LINGO2: variants seen among roughly 807,000 people sequenced by gnomAD.
The protein encoded by LINGO2 is leucine rich repeat and Ig domain containing 2, also known as leucine-rich repeat and immunoglobulin-like domain-containing nogo receptor-interacting protein 2.
In LINGO2, 14 loss-of-function variants were observed where a neutral mutation model predicts 30.6. The ratio of observed to expected loss-of-function variants is 0.46; its 90% CI spans 0.30 to 0.72. The LOEUF (loss-of-function observed/expected upper bound fraction) is 0.72, where lower values mean the gene tolerates loss of function less well. LINGO2 is among the 30% of genes least tolerant of loss of function. LINGO2 has a pLI of 0.07. For missense variants in LINGO2, 729 were observed against 751.7 expected (o/e 0.97, Z 0.35); for synonymous variants, 317 against 288.5 (o/e 1.10, Z -1.00).
the LINGO2 span, chr9:27,941,086 T>C: frequency 6.6e-6 from 1 of 152,198 alleles, no homozygotes; most frequent in Non-Finnish European, 1.5e-5. Flanking sequence ...AGCTCTGGCA[T>C]TAACAGAACA....
intron 1 of LINGO2, among the ~76,000 whole-genome samples, chr9:28,632,856 T>TTATATATATATATATATATATATA (rs543651831): frequency 4.3e-5 from 4 of 93,678 alleles, no homozygotes; most frequent in Admixed American, 1.4e-4. Flanking sequence ...TATATATTTT[T>TTATATATATATATATATATATATA]TATATATATA....
chr9:28,289,958 C>A (rs146412788), intron 4 of LINGO2, among the ~76,000 whole-genome samples: 75 of 152,264 alleles, frequency 4.9e-4, no homozygotes, highest in Non-Finnish European at 9.6e-4. Flanking sequence ...CTCACTGATG[C>A]CTGAAATTCC....
chr9:28,414,798 C>T (rs553203181), intron 2 of LINGO2, among the ~76,000 whole-genome samples: 1 of 151,986 alleles, frequency 6.6e-6, no homozygotes, highest in East Asian at 1.9e-4. Context: ...ATTTGTTTTA[C>T]AGAAAGTGAT....
chr9:29,071,223 T>A, the LINGO2 span, among the ~76,000 whole-genome samples: 1 of 147,884 alleles, frequency 6.8e-6, no homozygotes, highest in South Asian at 2.1e-4. Flanking sequence ...CAGGGTTTCA[T>A]ACTGTCACTA....
chr9:28,602,297 G>A (rs1370309760), intron 1 of LINGO2, among the ~76,000 whole-genome samples: 2 of 151,770 alleles, frequency 1.3e-5, no homozygotes, highest in Non-Finnish European at 2.9e-5. Context: ...GCAGGAGTCT[G>A]GCAAATAGAA....
At chr9:28,444,737 T>C (rs1028755549) in intron 2 of LINGO2, among the ~76,000 whole-genome samples, 4 of 152,202 alleles carry the variant, frequency 2.6e-5, no homozygotes, top group Non-Finnish European at 5.9e-5. Flanking sequence ...CCAGCACCTG[T>C]GCCGGTGCCT....
At chr9:28,022,738 CATT>C (rs1374971589) in intron 4 of LINGO2, among the ~76,000 whole-genome samples, 1 of 151,788 alleles carries the variant, frequency 6.6e-6, no homozygotes, top group African/African-American at 2.4e-5. Flanking sequence ...TAGTATCTGT[CATT>C]AATTTTGGGA....
chr9:29,069,261 A>C, the LINGO2 span, among the ~76,000 whole-genome samples: 1 of 152,012 alleles, frequency 6.6e-6, no homozygotes, highest in Non-Finnish European at 1.5e-5. Context: ...GACTTGAAAT[A>C]AATACTGTCA....
chr9:28,047,152 G>C (rs895655777), intron 4 of LINGO2, among the ~76,000 whole-genome samples: 5 of 152,136 alleles, frequency 3.3e-5, no homozygotes, highest in African/African-American at 9.7e-5. Context: ...AGGCTAGACA[G>C]GTAGGTATTG....
chr9:28,097,379 T>C (rs1274693874), intron 4 of LINGO2, among the ~76,000 whole-genome samples: 4 of 149,614 alleles, frequency 2.7e-5, no homozygotes, highest in Admixed American at 1.3e-4. Context: ...TAAAGACACA[T>C]GCACACGTAT....
chr9:27,997,790 G>A (rs1359180237), intron 5 of LINGO2, among the ~76,000 whole-genome samples: 1 of 152,114 alleles, frequency 6.6e-6, no homozygotes, highest in Non-Finnish European at 1.5e-5. Context: ...TGGGTCGAAA[G>A]CAAGTTCAAT....
intron 1 of LINGO2, among the ~76,000 whole-genome samples, chr9:28,533,644 A>G (rs1227762942): frequency 6.6e-6 from 1 of 152,202 alleles, no homozygotes; most frequent in Non-Finnish European, 1.5e-5. Flanking sequence ...CTGACTGCAG[A>G]CTATATTCCT....
At chr9:28,976,295 T>A in the LINGO2 span, among the ~76,000 whole-genome samples, 2 of 152,176 alleles carry the variant, frequency 1.3e-5, no homozygotes, top group African/African-American at 4.8e-5. Flanking sequence ...CCCTAGACAG[T>A]GATCTCAGCT....
intron 1 of LINGO2, among the ~76,000 whole-genome samples, chr9:28,626,825 ATTGT>A (rs1049790881): frequency 2.0e-5 from 3 of 149,916 alleles, no homozygotes; most frequent in African/African-American, 4.9e-5. Flanking sequence ...TAAAAATTCT[ATTGT>A]GTGTGTGTGT....
chr9:28,815,085 T>A, the LINGO2 span, among the ~76,000 whole-genome samples: 1 of 152,244 alleles, frequency 6.6e-6, no homozygotes, highest in Admixed American at 6.5e-5. Context: ...ATAGAGAGGC[T>A]GTCTCAACTG....
At chr9:28,797,711 C>T in the LINGO2 span, among the ~76,000 whole-genome samples, 1 of 151,928 alleles carries the variant, frequency 6.6e-6, no homozygotes, top group African/African-American at 2.4e-5. Flanking sequence ...TGAATATATG[C>T]ATTTGGAGCT....
the LINGO2 span, among the ~76,000 whole-genome samples, chr9:28,789,677 GA>G: frequency 6.6e-6 from 1 of 152,186 alleles, no homozygotes; most frequent in Non-Finnish European, 1.5e-5. Flanking sequence ...AAAAGACATA[GA>G]GGGAGAAATG....
intron 4 of LINGO2, among the ~76,000 whole-genome samples, chr9:28,244,895 A>G (rs765619439): frequency 1.3e-5 from 2 of 152,084 alleles, no homozygotes; most frequent in South Asian, 4.1e-4. Context: ...AACTGGTACC[A>G]TTCCTTCAGA....
chr9:27,996,115 A>G (rs1263234550), intron 5 of LINGO2, among the ~76,000 whole-genome samples: 1 of 152,170 alleles, frequency 6.6e-6, no homozygotes, highest in Non-Finnish European at 1.5e-5. Flanking sequence ...TAAAATGGCT[A>G]TTATCAAAAA....
Sources: allele counts gnomAD v4.1 joint callset (sites outside exome capture counted in the v4.1 genomes callset), GRCh38; gene constraint gnomAD v4.1.1; transcripts MANE v1.5; gene names NCBI Gene and HGNC (gene_info 2026-07-23, HGNC 2026-07-21).